Variants in ZNF398 observed in about 807,000 individuals in gnomAD.
ZNF398 encodes the protein zinc finger protein 398.
Under a neutral mutation model 41.9 loss-of-function variants are expected in ZNF398, and 18 were observed. The observed-to-expected ratio is 0.43, with a 90% CI of 0.30 to 0.64. The LOEUF (loss-of-function observed/expected upper bound fraction) is 0.64, where lower values mean the gene tolerates loss of function less well. Ranked by LOEUF, ZNF398 falls within the 30% of genes least tolerant of loss-of-function variation. The pLI, the probability that ZNF398 is intolerant of heterozygous loss-of-function variation, is 0.14. For missense variants in ZNF398, 669 were observed against 822.8 expected (o/e 0.81, Z 2.29); for synonymous variants, 260 against 308.8 (o/e 0.84, Z 1.66).
At chr7:149,130,096 G>T (rs1037549106) in intron 2 of ZNF398, among the ~76,000 whole-genome samples, 15 of 151,466 alleles carry the variant, frequency 9.9e-5, no homozygotes, top group African/African-American at 3.6e-4. Context: ...ACTGCACCCG[G>T]CCTATTTATT....
chr7:149,176,295 C>T (rs563552130), intron 4 of ZNF398, among the ~76,000 whole-genome samples, 173 bp from the exon 5 acceptor site: 120 of 152,146 alleles, frequency 7.9e-4, no homozygotes, highest in African/African-American at 2.7e-3. Context: ...TGCAGTGAGC[C>T]ATCGTGCCAC....
chr7:149,134,655 T>C (rs1301460138), intron 2 of ZNF398, among the ~76,000 whole-genome samples: 7 of 152,178 alleles, frequency 4.6e-5, no homozygotes, highest in African/African-American at 1.7e-4. Context: ...GGTAAAAGAG[T>C]AACACCTAAT....
rs533838835 is a variant in ZNF398, at chr7:149,181,663, A to G, written c.*1862A>G. ...ACTTAGAAAACATCTGCTCCATGACATTCACAATACCAGGGACCATGGGAG... is the reference window on the plus strand; with the variant it reads ...ACTTAGAAAACATCTGCTCCATGACGTTCACAATACCAGGGACCATGGGAG... On this transcript the variant is annotated 3_prime_UTR_variant, in exon 6 of 6. Transcript: ENST00000475153. The G allele has an allele frequency of 6.6e-6, 1 of 152,344 alleles. No homozygotes were observed. Among genetic ancestry groups the G allele is most frequent in the African/African-American group, 2.4e-5 (1 of 41,584 alleles). 9.4% of individuals were successfully genotyped at this position (152,344 alleles called of 1,614,324 possible).
intron 2 of ZNF398, among the ~76,000 whole-genome samples, chr7:149,162,582 G>A (rs1340060287): frequency 2.6e-5 from 4 of 152,048 alleles, no homozygotes; most frequent in Non-Finnish European, 5.9e-5. Context: ...CTCCTGCCTT[G>A]GCCTCCCAAA....
chr7:149,138,283 C>T (rs1563154007), intron 2 of ZNF398, among the ~76,000 whole-genome samples: 1 of 149,824 alleles, frequency 6.7e-6, no homozygotes, highest in Non-Finnish European at 1.5e-5. Context: ...AGGCAGGTTT[C>T]AAAACAGTAT....
At chr7:149,148,293 C>T in intron 1 of ZNF398, 2 of 234,988 alleles carry the variant, frequency 8.5e-6, no homozygotes, top group Non-Finnish European at 1.4e-5. Context: ...GGTGCGGACC[C>T]GGAGGCTGGA....
At chr7:149,149,387 C>G (rs1827053895) in intron 1 of ZNF398, among the ~76,000 whole-genome samples, 1 of 152,052 alleles carries the variant, frequency 6.6e-6, no homozygotes, top group South Asian at 2.1e-4. Context: ...GCGCGTGCCA[C>G]TACGCCCGGG....
chr7:149,173,681 A>G (rs1795398348), intron 4 of ZNF398, among the ~76,000 whole-genome samples: 1 of 152,058 alleles, frequency 6.6e-6, no homozygotes, highest in Admixed American at 6.6e-5. Context: ...AGTTCTGAAC[A>G]GTGGGCTTAA....
At chr7:149,151,955 G>A (rs755467063) in intron 1 of ZNF398, among the ~76,000 whole-genome samples, 7 of 151,776 alleles carry the variant, frequency 4.6e-5, no homozygotes, top group Non-Finnish European at 7.4e-5. Flanking sequence ...TAATGTGGCC[G>A]GGCACGGTGG....
At chr7:149,158,154 G>A (rs1795025837) in intron 2 of ZNF398, among the ~76,000 whole-genome samples, 2 of 152,122 alleles carry the variant, frequency 1.3e-5, no homozygotes, top group African/African-American at 4.8e-5. Flanking sequence ...AAACAGGAAA[G>A]TATGTGGTGT....
In ZNF398 at chr7:149,159,234, G is replaced by A. The variant is rs141839345; in HGVS notation, c.420+4894G>A. Among the ~76,000 whole-genome samples the A allele has an allele frequency of 1.4e-3, 211 of 151,950 alleles. No homozygotes were observed. The East Asian group carries it at 0.034, about 24-fold the overall frequency. On this transcript the variant is annotated intron_variant, in intron 2 of 5. Transcript: ENST00000475153. ...TGGGATTACAGGTGTGAGCCACCGC[G>A]CCTGGCCATCTCTTAAATATTTCTT...
At position 149,176,536 on chromosome 7, in the gene ZNF398, C is replaced by T. The variant is rs781526866; in HGVS notation, c.730C>T (p.Pro244Ser). 2 of 1,612,634 alleles carry T rather than the reference C, an allele frequency of 1.2e-6. No homozygotes were observed. Among genetic ancestry groups the T allele is most frequent in the South Asian group, 2.2e-5 (2 of 90,824 alleles). Residue 244 changes from proline to serine, a missense_variant, in exon 5 of 6, where the codon CCA becomes TCA. Coordinates refer to ENST00000475153, the MANE Select transcript of ZNF398 (RefSeq NM_170686.3). ...AGAAGAAGAGCCTCAGGTTGGGGCC[C>T]CACCGGAGTCCAAGGAGAGTGACGT... ...KQEEEPQVGA[P>S]PESKESDVYK...
At chr7:149,154,460 C>A (rs906978089) in intron 2 of ZNF398, 120 bp downstream of exon 2, 39 of 1,171,624 alleles carry the variant, frequency 3.3e-5, no homozygotes, top group South Asian at 1.2e-4. Flanking sequence ...ATATCTCAGT[C>A]TGAAAGAATC....
intron 5 of ZNF398, among the ~76,000 whole-genome samples, chr7:149,177,734 C>T (rs1001565495): frequency 2.6e-5 from 4 of 152,152 alleles, no homozygotes; most frequent in Non-Finnish European, 5.9e-5. Flanking sequence ...GGCTTTGTCA[C>T]AACAGGCAAT....
rs371742714 is a variant in ZNF398, at chr7:149,173,446, G to A, written c.662-3022G>A. Among the ~76,000 whole-genome samples the A allele has an allele frequency of 5.9e-5, 9 of 152,170 alleles. No individual in the cohort carries two copies. In the East Asian group the frequency reaches 1.2e-3, roughly 20 times the overall value. On this transcript the variant is annotated intron_variant, in intron 4 of 5. Coordinates refer to ENST00000475153, the MANE Select transcript of ZNF398 (RefSeq NM_170686.3). Reference sequence around the variant, plus strand: ...TATTTTTTTGAGACAGAGTCTAGCTGTGTCACCCAGGCTGGAGTGCATTGA... The same window carrying A: ...TATTTTTTTGAGACAGAGTCTAGCTATGTCACCCAGGCTGGAGTGCATTGA...
intron 2 of ZNF398, among the ~76,000 whole-genome samples, chr7:149,158,492 T>G (rs1396864047): frequency 6.6e-6 from 1 of 152,156 alleles, no homozygotes; most frequent in Non-Finnish European, 1.5e-5. Flanking sequence ...ATAGTACATT[T>G]TGTTTGTGCA....
At position 149,183,006 on chromosome 7, in the gene ZNF398, C is replaced by T. The variant is rs994766802; in HGVS notation, c.*3205C>T. 1.4e-5 allele frequency among the ~76,000 whole-genome samples: 2 copies of T among 140,530 alleles called. No individual in the cohort carries two copies. The highest frequency in any genetic ancestry group is 1.5e-4 in the Admixed American group (2 of 13,248). The allele number at this position is 140,530 out of a possible 152,430, so 92.2% of individuals were successfully genotyped here. A position where few individuals can be genotyped will look rare whatever the true frequency, so the allele number is the denominator to read the frequency against. On this transcript the variant is annotated 3_prime_UTR_variant, in exon 6 of 6. Transcript: ENST00000475153. ...TGACTTACTCGGTAATAACAGTCCA[C>T]ACAAGCCTCGTTGATATTAAAAAAA...
In ZNF398 at chr7:149,176,876, A is replaced by C. The variant is rs141661533; in HGVS notation, c.775+295A>C. On this transcript the variant is annotated intron_variant, in intron 5 of 5. Transcript: ENST00000475153. ...GGGAAAGACAGAAGACGATTTGAAAATCATGTAGAAAGGGTAGAAAACGTG... is the reference window on the plus strand; with the variant it reads ...GGGAAAGACAGAAGACGATTTGAAACTCATGTAGAAAGGGTAGAAAACGTG... 2.3e-3 allele frequency among the ~76,000 whole-genome samples: 348 copies of C among 152,320 alleles called. 1 individual carries two copies. The highest frequency in any genetic ancestry group is 3.6e-3 in the Non-Finnish European group (243 of 68,020).
intron 1 of ZNF398, chr7:149,148,392 G>T (rs1035093714): frequency 6.1e-6 from 6 of 982,662 alleles, no homozygotes; most frequent in Non-Finnish European, 7.3e-6. Flanking sequence ...CGACCGAGGC[G>T]ACCGGGCCGC....
Sources: gnomAD v4.1 joint callset for allele counts (sites outside exome capture counted in the v4.1 genomes callset) on GRCh38, gnomAD v4.1.1 for gene constraint, MANE v1.5 for transcripts, NCBI Gene and HGNC (gene_info 2026-07-23, HGNC 2026-07-21) for gene names.